Variants in ZNF429 observed in about 807,000 individuals in gnomAD.
The protein encoded by ZNF429 is zinc finger protein 429.
In ZNF429, 53 loss-of-function variants were observed where a neutral mutation model predicts 56.8. That is an observed-to-expected ratio of 0.93 (90% CI 0.75 to 1.17). The LOEUF (loss-of-function observed/expected upper bound fraction) is 1.17, where lower values mean the gene tolerates loss of function less well. Among genes scored for constraint, ZNF429 ranks in the 50% most tolerant of loss-of-function variants. ZNF429 has a pLI of 0.00. For missense variants in ZNF429, 849 were observed against 788.4 expected (o/e 1.08, Z -0.92); for synonymous variants, 278 against 264.7 (o/e 1.05, Z -0.49).
chr19:21,531,114 AAAAAAAAAAAAAAAACC>A lies in ZNF429; in HGVS notation c.226+444_226+460del. Among the ~76,000 whole-genome samples, 142 of 98,266 alleles carry A rather than the reference AAAAAAAAAAAAAAAACC, an allele frequency of 1.4e-3. 4 individuals are homozygous for A. Among genetic ancestry groups the A allele is most frequent in the African/African-American group, 4.9e-3 (101 of 20,420 alleles). The allele number at this position is 98,266 out of a possible 152,430, so 64.5% of individuals were successfully genotyped here. ...AGAGTGAAACTCCATCTCAAAAAAA[AAAAAAAAAAAAAAAACC>A]AAAAAAAAAAAAACACCCGTCTTGG... On this transcript the variant is annotated intron_variant, in intron 3 of 3. Coordinates refer to ENST00000358491, the MANE Select transcript of ZNF429 (RefSeq NM_001001415.4).
intron 1 of ZNF429, among the ~76,000 whole-genome samples, chr19:21,526,412 A>T (rs2033175486): frequency 6.6e-6 from 1 of 152,198 alleles, no homozygotes; most frequent in African/African-American, 2.4e-5. Context: ...CCCACATATC[A>T]GTGAGAACAG....
At chr19:21,505,795 A>T (rs1230100882) in intron 1 of ZNF429, 21 bp downstream of exon 1, 12 of 1,611,384 alleles carry the variant, frequency 7.4e-6, no homozygotes, top group African/African-American at 2.7e-5. Context: ...CGAGTCTGAC[A>T]TCCCCAGAGA....
At position 21,511,474 on chromosome 19, in the gene ZNF429, C is replaced by T. The variant is rs1405679693; in HGVS notation, c.3+5700C>T. Among the ~76,000 whole-genome samples the T allele has an allele frequency of 9.3e-5, 14 of 151,068 alleles. No homozygotes were observed. In the South Asian group the frequency reaches 1.5e-3, roughly 16 times the overall value. Reference sequence around the variant, plus strand: ...GCAGAGGCGCTCCCCACATCTCAGACGATGGGTGGCCAGGCAGAGATGCTC... The same window carrying T: ...GCAGAGGCGCTCCCCACATCTCAGATGATGGGTGGCCAGGCAGAGATGCTC... On this transcript the variant is annotated intron_variant, in intron 1 of 3. Transcript: ENST00000358491.
rs1220719308 is a variant in ZNF429 at position 21,529,382 on chromosome 19, C to T, written c.4-276C>T. ...AAAAATGTATGTTTCTGTTCATGCCCTTAATTTTATACTTTATCACTTAGA... is the reference window on the plus strand; with the variant it reads ...AAAAATGTATGTTTCTGTTCATGCCTTTAATTTTATACTTTATCACTTAGA... On this transcript the variant is annotated intron_variant, in intron 1 of 3. Coordinates refer to ENST00000358491, the MANE Select transcript of ZNF429 (RefSeq NM_001001415.4). The T allele has an allele frequency of 1.9e-5, 9 of 466,934 alleles. No homozygotes were observed. In the East Asian group the frequency reaches 5.7e-4, roughly 29 times the overall value. The allele number at this position is 466,934 out of a possible 1,614,324, so 28.9% of individuals were successfully genotyped here.
chr19:21,533,962 G>T, intron 3 of ZNF429, among the ~76,000 whole-genome samples: 1 of 151,976 alleles, frequency 6.6e-6, no homozygotes, highest in Non-Finnish European at 1.5e-5. Flanking sequence ...ATACAGAAGG[G>T]TATATTTCTG....
rs2033800550 is a variant in ZNF429 at position 21,538,277 on chromosome 19, C to CAGA, written c.*200_*201insGAA. Among the ~76,000 whole-genome samples, 1 of 34,382 alleles carries CAGA rather than the reference C, an allele frequency of 2.9e-5. No homozygotes were observed. Among genetic ancestry groups the CAGA allele is most frequent in the Non-Finnish European group, 4.6e-5 (1 of 21,520 alleles). 22.6% of individuals were successfully genotyped at this position (34,382 alleles called of 152,430 possible). ...TGGGTGACAGAGCCAGACTCCATCT[C>CAGA]AAAAAAAAAAAAAAAAAAAAAAGAA... On this transcript the variant is annotated 3_prime_UTR_variant, in exon 4 of 4. Transcript: ENST00000358491.
At chr19:21,515,303 C>G (rs1019220071) in intron 1 of ZNF429, among the ~76,000 whole-genome samples, 1 of 147,438 alleles carries the variant, frequency 6.8e-6, no homozygotes, top group Non-Finnish European at 1.5e-5. Flanking sequence ...GATGGTATCT[C>G]ATTGTGATTT....
intron 3 of ZNF429, among the ~76,000 whole-genome samples, chr19:21,533,334 A>G: frequency 3.9e-5 from 6 of 152,200 alleles, no homozygotes; most frequent in African/African-American, 1.2e-4. Context: ...AGAGGTGTTT[A>G]TATATTCTGA....
intron 3 of ZNF429, among the ~76,000 whole-genome samples, chr19:21,534,292 GA>G: frequency 6.9e-6 from 1 of 145,846 alleles, no homozygotes; most frequent in African/African-American, 2.5e-5. Context: ...TATATTTTTG[GA>G]TTTTCCAGTT....
Position 21,530,677 on chromosome 19 carries a change from A to G in ZNF429, c.219A>G (p.Glu73=). 1 of 1,607,038 alleles carries G rather than the reference A, an allele frequency of 6.2e-7. No homozygotes were observed. The highest frequency in any genetic ancestry group is 8.5e-7 in the Non-Finnish European group (1 of 1,175,804). Residue 73 remains glutamate (E), a synonymous_variant, in exon 3 of 4, where the codon GAA becomes GAG. Transcript: ENST00000358491. ...TGAAGCGACATGAAATGGTGGATGAACCCCCAGGTAGGTGAGAGTGAACAC... is the reference window on the plus strand; with the variant it reads ...TGAAGCGACATGAAATGGTGGATGAGCCCCCAGGTAGGTGAGAGTGAACAC... ...CKMKRHEMVD[E]PPVVCSHFAE...
chr19:21,506,521 C>T (rs1020345122), intron 1 of ZNF429, among the ~76,000 whole-genome samples: 6 of 150,244 alleles, frequency 4.0e-5, no homozygotes, highest in Non-Finnish European at 7.4e-5. Context: ...AATTGTAAAG[C>T]ACCCAGCTGT....
Position 21,538,222 on chromosome 19 carries a change from G to T in ZNF429, c.*144G>T. The T allele has an allele frequency of 3.2e-6, 1 of 311,750 alleles. No individual in the cohort carries two copies. The allele number at this position is 311,750 out of a possible 1,614,324, so 19.3% of individuals were successfully genotyped here. On this transcript the variant is annotated 3_prime_UTR_variant, in exon 4 of 4. Coordinates refer to ENST00000358491, the MANE Select transcript of ZNF429 (RefSeq NM_001001415.4). ...TGAACCCGGAGGTGGAGCTTGCATT[G>T]AGCCAAGATCACACCACTGCACTCC...
chr19:21,511,651 C>T lies in ZNF429; in HGVS notation c.3+5877C>T, dbSNP rs571437646. 3.3e-3 allele frequency among the ~76,000 whole-genome samples: 500 copies of T among 151,272 alleles called. 3 individuals are homozygous for T. The highest frequency in any genetic ancestry group is 0.011 in the African/African-American group (445 of 41,066). On this transcript the variant is annotated intron_variant, in intron 1 of 3. Transcript: ENST00000358491. ...CAGATGATGGGCGGCCAGGCAGAGA[C>T]GCTCCTCACTTCCCAGACGGGGTGG...
In ZNF429 at chr19:21,537,311, A is replaced by G. The variant is rs1230593373; in HGVS notation, c.1258A>G (p.Thr420Ala). Residue 420 changes from threonine to alanine, a missense_variant, in exon 4 of 4, where the codon ACT becomes GCT. By Grantham distance (58) the Thr-to-Ala change is moderately conservative. Transcript: ENST00000358491. ...STLTQDKKIH[T>A]GEKPYNCEEC... ...ACTTACTCAAGACAAGAAAATTCAT[A>G]CTGGAGAGAAACCCTACAATTGTGA... is the stretch of plus-strand genomic sequence containing the variant. The G allele has an allele frequency of 6.2e-7, 1 of 1,614,058 alleles. No individual in the cohort carries two copies. The highest frequency in any genetic ancestry group is 1.7e-5 in the Admixed American group (1 of 60,022).
rs193266780 is a variant in ZNF429 at position 21,526,288 on chromosome 19, T to A, written c.4-3370T>A. On this transcript the variant is annotated intron_variant, in intron 1 of 3. Coordinates refer to ENST00000358491, the MANE Select transcript of ZNF429 (RefSeq NM_001001415.4). ...TTTCGTGCACCCATCACCCAAGCAG[T>A]TTACACTACACCCATTTGTAGTCTT... 5.4e-4 allele frequency among the ~76,000 whole-genome samples: 82 copies of A among 152,158 alleles called. 1 individual carries two copies. The South Asian group carries it at 9.5e-3, about 18-fold the overall frequency.
intron 1 of ZNF429, among the ~76,000 whole-genome samples, chr19:21,525,721 C>T (rs937555961): frequency 1.5e-5 from 2 of 136,622 alleles, no homozygotes; most frequent in African/African-American, 5.4e-5. Context: ...AGTAGTTGCT[C>T]CACAAGTCAC....
chr19:21,515,825 A>G (rs971175435), intron 1 of ZNF429, among the ~76,000 whole-genome samples: 2 of 152,156 alleles, frequency 1.3e-5, no homozygotes, highest in Non-Finnish European at 2.9e-5. Flanking sequence ...TTATTCTAGC[A>G]CTATTTATTA....
At chr19:21,530,008 G>A in intron 2 of ZNF429, among the ~76,000 whole-genome samples, 25 of 152,166 alleles carry the variant, frequency 1.6e-4, no homozygotes, top group Non-Finnish European at 2.6e-4. Flanking sequence ...TGGCTAACAC[G>A]GTGAAACCCC....
At chr19:21,531,397 G>A in intron 3 of ZNF429, among the ~76,000 whole-genome samples, 3 of 151,970 alleles carry the variant, frequency 2.0e-5, no homozygotes, top group Admixed American at 2.0e-4. Flanking sequence ...AAATTGAAGA[G>A]GTGTCTGCTT....
Sources: allele counts gnomAD v4.1 joint callset (sites outside exome capture counted in the v4.1 genomes callset), GRCh38; gene constraint gnomAD v4.1.1; transcripts MANE v1.5; gene names NCBI Gene and HGNC (gene_info 2026-07-23, HGNC 2026-07-21).